NELFA: variants seen among roughly 807,000 people sequenced by gnomAD.
The protein encoded by NELFA is negative elongation factor A.
Under a neutral mutation model 51.8 loss-of-function variants are expected in NELFA, and 35 were observed. The ratio of observed to expected loss-of-function variants is 0.68; its 90% CI spans 0.52 to 0.90. The LOEUF is 0.90. NELFA is among the 40% of genes least tolerant of loss of function. NELFA has a pLI of 0.00. For synonymous variants in NELFA, 417 were observed against 338.4 expected (o/e 1.23, Z -2.55); for missense variants, 658 against 746.4 (o/e 0.88, Z 1.38).
chr4:1,987,120 G>A (rs902820463), intron 4 of NELFA, among the ~76,000 whole-genome samples: 1 of 152,176 alleles, frequency 6.6e-6, no homozygotes, highest in Non-Finnish European at 1.5e-5. Context: ...GCAGACCCAA[G>A]ATGCCTTCTA....
chr4:1,985,253 C>T (rs547950691), intron 7 of NELFA, among the ~76,000 whole-genome samples: 22 of 152,326 alleles, frequency 1.4e-4, no homozygotes, highest in South Asian at 4.1e-4. Context: ...ACACAGAACA[C>T]GCAGCGGCGG....
Position 1,999,190 on chromosome 4 carries a change from A to G in NELFA, c.211-7475T>C, listed in dbSNP as rs1178721714. 3.3e-5 allele frequency among the ~76,000 whole-genome samples: 5 copies of G among 151,692 alleles called. No individual in the cohort carries two copies. The East Asian group carries it at 9.6e-4, about 29-fold the overall frequency. ...GAAAAACCAGTACGAGCCACTGAAA[A>G]AACACACCAAAATATAGAGACCAAT... On this transcript the variant is annotated intron_variant, in intron 1 of 10. Coordinates refer to ENST00000382882, the MANE Select transcript of NELFA (RefSeq NM_005663.5).
rs758404249 is a variant in NELFA, at chr4:2,008,885, C to T, written c.75G>A (p.Ala25=). 10 of 1,592,994 alleles carry T rather than the reference C, an allele frequency of 6.3e-6. No individual in the cohort carries two copies. In the Admixed American group the frequency reaches 1.4e-4, roughly 23 times the overall value. The change falls in exon 1 of 11, where the codon GCG becomes GCA. Residue 25 remains alanine, a synonymous_variant. Coordinates refer to ENST00000382882, the MANE Select transcript of NELFA (RefSeq NM_005663.5). ...TGAGCAGGGACGCGATGCTGGGCGG[C>T]GCCCACAGCTCGTCCGTGGCCCCCA... The part of the protein sequence containing the change: ...NKLGATDELW[A]PPSIASLLTA...
At chr4:2,006,249 G>A (rs927295407) in intron 1 of NELFA, among the ~76,000 whole-genome samples, 1 of 152,156 alleles carries the variant, frequency 6.6e-6, no homozygotes, top group Non-Finnish European at 1.5e-5. Context: ...GTTGGGTGCT[G>A]GACTAATTGC....
intron 1 of NELFA, 50 bp downstream of exon 1, chr4:2,008,700 G>C: frequency 1.3e-6 from 2 of 1,560,072 alleles, no homozygotes; most frequent in Non-Finnish European, 1.7e-6. Flanking sequence ...GCGGGTCGGA[G>C]GTGGGAAGGT....
rs972459352 is a variant in NELFA at position 2,002,195 on chromosome 4, A to G, written c.210+6555T>C. Among the ~76,000 whole-genome samples the G allele has an allele frequency of 5.9e-5, 9 of 152,018 alleles. No homozygotes were observed. The East Asian group carries it at 9.6e-4, about 16-fold the overall frequency. Reference sequence around the variant, plus strand: ...AGCCTGGGCGACAAAGCGAGACTCCATCTCAGAAAAAAAAAGAAAAAACAG... The same window carrying G: ...AGCCTGGGCGACAAAGCGAGACTCCGTCTCAGAAAAAAAAAGAAAAAACAG... On this transcript the variant is annotated intron_variant, in intron 1 of 10. Transcript: ENST00000382882.
At chr4:1,998,332 T>C (rs2109064496) in intron 1 of NELFA, among the ~76,000 whole-genome samples, 1 of 150,438 alleles carries the variant, frequency 6.6e-6, no homozygotes, top group South Asian at 2.1e-4. Flanking sequence ...AGAAGATGGG[T>C]AATAAAAAAA....
intron 1 of NELFA, among the ~76,000 whole-genome samples, chr4:2,002,538 C>T (rs3117812): frequency 0.31 from 46,898 of 151,932 alleles, 7,694 homozygotes; most frequent in African/African-American, 0.42. Context: ...AACAGACCTA[C>T]AGACCAATGG....
In NELFA at chr4:1,986,276, A is replaced by G; in HGVS notation, c.761T>C (p.Val254Ala). The change falls in exon 5 of 11, where the codon GTG (valine) becomes GCG (alanine). Residue 254 changes from valine (V) to alanine (A), a missense_variant. By Grantham distance (64) the Val-to-Ala change is moderately conservative (BLOSUM62 0). Transcript: ENST00000382882. ...GGAGCTGGGGGACGGGCCTACCTTC[A>G]CACCTCGTTCCTTCCGCAGCAGCGT... ...SRTLLRKERGVKLLDISELDM... is the reference protein window; with the variant it reads ...SRTLLRKERGAKLLDISELDM... 6.3e-7 allele frequency: 1 copy of G among 1,579,898 alleles called. No individual in the cohort carries two copies. The highest frequency in any genetic ancestry group is 1.2e-5 in the South Asian group (1 of 86,658).
chr4:1,991,844 GA>G, intron 1 of NELFA, 129 bp from the exon 2 acceptor site: 1 of 934,180 alleles, frequency 1.1e-6, no homozygotes, highest in Non-Finnish European at 1.6e-6. Context: ...ACTTCCTCCT[GA>G]GGGCTCCCCT....
chr4:1,984,090 G>C lies in NELFA; in HGVS notation c.1060C>G (p.Arg354Gly). Residue 354 changes from arginine (R) to glycine (G), a missense_variant, in exon 9 of 11, where the codon CGC becomes GGC. Physicochemically the swap from Arg to Gly is moderately radical, Grantham distance 125. Coordinates refer to ENST00000382882, the MANE Select transcript of NELFA (RefSeq NM_005663.5). The part of the protein sequence containing the change: ...PPAPSSREAS[R>G]PPEEPSAPSP... Reference sequence around the variant, plus strand: ...GGGGCGCTGGGCTCCTCTGGTGGGCGGCTGGCTTCCCGGGAAGATGGGGCT... The same window carrying C: ...GGGGCGCTGGGCTCCTCTGGTGGGCCGCTGGCTTCCCGGGAAGATGGGGCT... The C allele has an allele frequency of 6.3e-7, 1 of 1,579,946 alleles. No homozygotes were observed.
At chr4:1,993,951 C>T (rs1186519050) in intron 1 of NELFA, among the ~76,000 whole-genome samples, 7 of 152,298 alleles carry the variant, frequency 4.6e-5, no homozygotes, top group Non-Finnish European at 8.8e-5. Context: ...CAGGCGCCAC[C>T]ACCACGCCCG....
intron 8 of NELFA, 95 bp downstream of exon 8, chr4:1,984,713 C>T (rs1728026955): frequency 1.2e-6 from 1 of 810,070 alleles, no homozygotes; most frequent in African/African-American, 1.7e-5. Flanking sequence ...AACAGAGATG[C>T]AGGAGTGAGA....
chr4:1,986,408 G>A lies in NELFA; in HGVS notation c.635-6C>T. The A allele has an allele frequency of 1.2e-6, 2 of 1,612,692 alleles. No homozygotes were observed. Among genetic ancestry groups the A allele is most frequent in the Non-Finnish European group, 1.7e-6 (2 of 1,179,628 alleles). ...CGGGATGCCTTTGAGTGGGGCTGGAGGACGGCAACAGTCAGGGCGCCAGCA... is the reference window on the plus strand; with the variant it reads ...CGGGATGCCTTTGAGTGGGGCTGGAAGACGGCAACAGTCAGGGCGCCAGCA... On this transcript the variant is annotated splice_polypyrimidine_tract_variant and splice_region_variant and intron_variant, in intron 4 of 10. Coordinates refer to ENST00000382882, the MANE Select transcript of NELFA (RefSeq NM_005663.5).
rs982730788 is a variant in NELFA at position 1,985,041 on chromosome 4, C to T, written c.925-122G>A. On this transcript the variant is annotated intron_variant, in intron 7 of 10. Coordinates refer to ENST00000382882, the MANE Select transcript of NELFA (RefSeq NM_005663.5). ...GGCCCCCCGAGCTAGAGCAGGAAGG[C>T]GGGGGCCACTCTCCCGAGCTCCCTG... 3.2e-5 allele frequency: 22 copies of T among 686,460 alleles called. No homozygotes were observed. In the Admixed American group the frequency reaches 4.6e-4, roughly 14 times the overall value. The allele number at this position is 686,460 out of a possible 1,614,324, so 42.5% of individuals were successfully genotyped here.
At chr4:2,007,562 G>A (rs938624748) in intron 1 of NELFA, among the ~76,000 whole-genome samples, 2 of 152,064 alleles carry the variant, frequency 1.3e-5, no homozygotes, top group African/African-American at 2.4e-5. Flanking sequence ...CTCCAAATCC[G>A]GCAACCAAGC....
intron 1 of NELFA, among the ~76,000 whole-genome samples, chr4:2,001,993 G>A (rs1167265082): frequency 6.6e-6 from 1 of 151,366 alleles, no homozygotes; most frequent in East Asian, 2.0e-4. Flanking sequence ...GAGGTCAGGA[G>A]ATCGAGACCA....
chr4:1,988,840 A>G (rs1728188695), intron 3 of NELFA, among the ~76,000 whole-genome samples: 1 of 152,058 alleles, frequency 6.6e-6, no homozygotes, highest in Non-Finnish European at 1.5e-5. Flanking sequence ...CCCTCCAGCC[A>G]TTCACCCTGG....
intron 1 of NELFA, among the ~76,000 whole-genome samples, chr4:1,992,892 C>T (rs1461532901): frequency 6.6e-6 from 1 of 152,216 alleles, no homozygotes; most frequent in Non-Finnish European, 1.5e-5. Flanking sequence ...GAACCCCCCG[C>T]GTGGCCCAGC....
Sources: allele counts gnomAD v4.1 joint callset (sites outside exome capture counted in the v4.1 genomes callset), GRCh38; gene constraint gnomAD v4.1.1; transcripts MANE v1.5; gene names NCBI Gene and HGNC (gene_info 2026-07-23, HGNC 2026-07-21).